Variants in PDE4D observed in about 807,000 individuals in gnomAD.
PDE4D encodes 3',5'-cyclic-AMP phosphodiesterase 4D.
A neutral mutation model predicts 87.4 loss-of-function variants in PDE4D; 24 were observed. The ratio of observed to expected loss-of-function variants is 0.27; its 90% CI spans 0.20 to 0.39. The LOEUF is 0.39. Among genes scored for constraint, PDE4D ranks in the 10% least tolerant of loss-of-function variants. The probability of loss-of-function intolerance (pLI) is 1.00; values close to 1 mark genes in which losing one functional copy is unlikely to be tolerated. For synonymous variants in PDE4D, 384 were observed against 383.2 expected, an observed-to-expected ratio of 1.00 and a Z score of -0.02; for missense variants, 714 against 1,041.0, an observed-to-expected ratio of 0.69 and a Z score of 4.32.
chr5:59,999,011 G>A (rs191034475), intron 2 of PDE4D, among the ~76,000 whole-genome samples: 3 of 152,198 alleles, frequency 2.0e-5, no homozygotes, highest in South Asian at 2.1e-4. Context: ...CACCAGAGAC[G>A]CCAACTTAGC....
At chr5:59,205,422 A>C (rs1748522022) in intron 2 of PDE4D, among the ~76,000 whole-genome samples, 1 of 152,130 alleles carries the variant, frequency 6.6e-6, no homozygotes, top group Admixed American at 6.6e-5. Flanking sequence ...CAAGGCATGG[A>C]AATGTTCAGT....
intron 1 of PDE4D, among the ~76,000 whole-genome samples, chr5:59,668,835 AAGAGGAAGAG>A (rs1746591440): frequency 1.2e-5 from 1 of 80,916 alleles, no homozygotes; most frequent in African/African-American, 5.3e-5. Context: ...GAAGAAGAGG[AAGAGGAAGAG>A]GAAGAAGAAG....
intron 3 of PDE4D, among the ~76,000 whole-genome samples, chr5:59,965,390 T>G (rs1759926545): frequency 6.6e-6 from 1 of 152,192 alleles, no homozygotes; most frequent in Non-Finnish European, 1.5e-5. Context: ...CAAAGTTACA[T>G]TCTCAGTGAG....
intron 2 of PDE4D, among the ~76,000 whole-genome samples, chr5:60,028,600 C>G (rs543146655): frequency 3.3e-5 from 5 of 152,310 alleles, no homozygotes; most frequent in African/African-American, 1.2e-4. Context: ...ATCCCAATTA[C>G]TTGTATAAAA....
At chr5:59,605,239 A>G (rs992793050) in intron 1 of PDE4D, among the ~76,000 whole-genome samples, 1 of 152,166 alleles carries the variant, frequency 6.6e-6, no homozygotes, top group Non-Finnish European at 1.5e-5. Flanking sequence ...GAAAATAAGT[A>G]TTCAATAATT....
At chr5:59,180,699 T>C in intron 4 of PDE4D, 55 bp from the exon 5 acceptor site, 1 of 1,471,234 alleles carries the variant, frequency 6.8e-7, no homozygotes, top group Non-Finnish European at 9.5e-7. Flanking sequence ...ATTGATTTGA[T>C]CACTCTCTGA....
intron 1 of PDE4D, among the ~76,000 whole-genome samples, chr5:59,672,598 A>G (rs763454558): frequency 6.6e-6 from 1 of 152,200 alleles, no homozygotes; most frequent in Non-Finnish European, 1.5e-5. Context: ...TTATTTTTGC[A>G]TAATCTCTTT....
chr5:59,506,659 A>G (rs933529159), intron 1 of PDE4D, among the ~76,000 whole-genome samples: 2 of 152,200 alleles, frequency 1.3e-5, no homozygotes, highest in Admixed American at 1.3e-4. Context: ...TCCCATACAG[A>G]ACACTTCAAA....
chr5:59,125,265 G>A, intron 5 of PDE4D: 11 of 984,630 alleles, frequency 1.1e-5, no homozygotes, highest in Non-Finnish European at 1.2e-5. Flanking sequence ...AGTACAGCCA[G>A]ACCTTAGGGA....
chr5:59,282,934 G>A lies in PDE4D; in HGVS notation c.456-66966C>T, dbSNP rs115572114. Among the ~76,000 whole-genome samples, 272 of 152,194 alleles carry A rather than the reference G, an allele frequency of 1.8e-3. 2 individuals are homozygous for A. The highest frequency in any genetic ancestry group is 6.0e-3 in the African/African-American group (248 of 41,540). On this transcript the variant is annotated intron_variant, in intron 1 of 14. Coordinates refer to ENST00000340635, the MANE Select transcript of PDE4D (RefSeq NM_001104631.2). Reference sequence around the variant, plus strand: ...GTAAAACAGCTGCTCTGAGAAAAACGCCTACTATTTAGGAAGGGTATGTAG... The same window carrying A: ...GTAAAACAGCTGCTCTGAGAAAAACACCTACTATTTAGGAAGGGTATGTAG...
At chr5:59,194,680 T>TG (rs1175091976) in intron 2 of PDE4D, among the ~76,000 whole-genome samples, 5 of 152,194 alleles carry the variant, frequency 3.3e-5, no homozygotes, top group Non-Finnish European at 5.9e-5. Flanking sequence ...ATCATGTTTT[T>TG]CAAGGGGCAC....
At chr5:59,975,405 C>A (rs1486278854) in intron 3 of PDE4D, among the ~76,000 whole-genome samples, 7 of 152,188 alleles carry the variant, frequency 4.6e-5, no homozygotes, top group Non-Finnish European at 1.0e-4. Flanking sequence ...TATGATCTAT[C>A]TTTTGTTTGC....
chr5:58,992,057 T>C, intron 7 of PDE4D, 53 bp from the exon 8 acceptor site: 4 of 1,060,194 alleles, frequency 3.8e-6, no homozygotes, highest in Non-Finnish European at 5.2e-6. Flanking sequence ...ATCTGTTTTA[T>C]ATCATATGCA....
intron 3 of PDE4D, among the ~76,000 whole-genome samples, chr5:59,977,448 A>G (rs1761456411): frequency 6.6e-6 from 1 of 152,186 alleles, no homozygotes. Flanking sequence ...GAAAAGTTGG[A>G]TGCCAGCAGA....
intron 1 of PDE4D, among the ~76,000 whole-genome samples, chr5:60,235,845 A>G (rs1486999301): frequency 6.6e-6 from 1 of 151,902 alleles, no homozygotes; most frequent in African/African-American, 2.4e-5. Flanking sequence ...AATATAAAAA[A>G]CAACACATGA....
intron 5 of PDE4D, among the ~76,000 whole-genome samples, chr5:59,083,400 AT>A (rs972208175): frequency 1.3e-5 from 2 of 151,726 alleles, no homozygotes; most frequent in African/African-American, 2.4e-5. Context: ...CAGGTCAAGG[AT>A]TTTTTTTCTG....
chr5:59,048,058 T>C (rs948340149), intron 5 of PDE4D, among the ~76,000 whole-genome samples: 16 of 152,224 alleles, frequency 1.1e-4, no homozygotes, highest in Non-Finnish European at 1.9e-4. Context: ...GGCTTTGCCA[T>C]TGATATTCAG....
chr5:59,273,583 T>C (rs947753808), intron 1 of PDE4D, among the ~76,000 whole-genome samples: 13 of 152,064 alleles, frequency 8.5e-5, no homozygotes, highest in African/African-American at 2.9e-4. Flanking sequence ...AGATGTAAGA[T>C]TAATAACTGG....
At chr5:60,351,017 G>A (rs1759139677) in intron 1 of PDE4D, among the ~76,000 whole-genome samples, 1 of 152,258 alleles carries the variant, frequency 6.6e-6, no homozygotes, top group South Asian at 2.1e-4. Flanking sequence ...AGATAAAAAG[G>A]TCTCAGGTGC....
Sources: allele counts gnomAD v4.1 joint callset (sites outside exome capture counted in the v4.1 genomes callset), GRCh38; gene constraint gnomAD v4.1.1; transcripts MANE v1.5; gene names NCBI Gene and HGNC (gene_info 2026-07-23, HGNC 2026-07-21).